The following PRKCB variants were observed in gnomAD, a reference collection of about 807,000 sequenced individuals.
PRKCB encodes protein kinase C beta.
Under a neutral mutation model 81.5 loss-of-function variants are expected in PRKCB, and 13 were observed. That is an observed-to-expected ratio of 0.16 (90% CI 0.10 to 0.25). PRKCB has a LOEUF of 0.25. Among genes scored for constraint, PRKCB ranks in the 10% least tolerant of loss-of-function variants. PRKCB has a pLI of 1.00. For missense variants in PRKCB, 509 were observed against 875.7 expected (o/e 0.58, Z 5.29); for synonymous variants, 335 against 321.4 (o/e 1.04, Z -0.45).
intron 5 of PRKCB, among the ~76,000 whole-genome samples, chr16:24,043,897 T>G (rs1029007062): frequency 1.3e-5 from 2 of 152,164 alleles, no homozygotes; most frequent in Non-Finnish European, 2.9e-5. Flanking sequence ...ATTTTGACTC[T>G]CACGTTTTCC....
chr16:24,122,449 C>CTTTTT lies in PRKCB; in HGVS notation c.919-1371_919-1367dup, dbSNP rs35364143. Among the ~76,000 whole-genome samples the CTTTTT allele has an allele frequency of 1.5e-4, 15 of 97,630 alleles. 1 individual carries two copies. The highest frequency in any genetic ancestry group is 1.6e-4 in the African/African-American group (3 of 18,386). 64.0% of individuals were successfully genotyped at this position (97,630 alleles called of 152,430 possible). A position where few individuals can be genotyped will look rare whatever the true frequency, so the allele number is the denominator to read the frequency against. ...CATGTCAGAGGATTCTACCACGAGGCTTTTTTTTTTTTTTTTTTTAGTGAG... is the reference window on the plus strand; with the variant it reads ...CATGTCAGAGGATTCTACCACGAGGCTTTTTTTTTTTTTTTTTTTTTTTTAGTGAG... On this transcript the variant is annotated intron_variant, in intron 8 of 16. Transcript: ENST00000643927.
intron 8 of PRKCB, among the ~76,000 whole-genome samples, chr16:24,121,701 T>C (rs1194790544): frequency 6.6e-6 from 1 of 152,226 alleles, no homozygotes; most frequent in Non-Finnish European, 1.5e-5. Context: ...AATGAATGAA[T>C]GAATCTTCCC....
intron 5 of PRKCB, among the ~76,000 whole-genome samples, chr16:24,056,059 C>T (rs192236353): frequency 1.4e-4 from 22 of 152,314 alleles, no homozygotes; most frequent in African/African-American, 4.8e-4. Context: ...AACACCCAGC[C>T]CCTTAACCAC....
intron 5 of PRKCB, among the ~76,000 whole-genome samples, chr16:24,079,094 C>G (rs1236119922): frequency 6.6e-6 from 1 of 152,192 alleles, no homozygotes; most frequent in African/African-American, 2.4e-5. Flanking sequence ...GACGTTCCAC[C>G]ATTGTGATTT....
intron 2 of PRKCB, among the ~76,000 whole-genome samples, chr16:23,912,403 A>C (rs556475286): frequency 2.8e-4 from 42 of 151,332 alleles, no homozygotes; most frequent in African/African-American, 9.7e-4. Flanking sequence ...TGTTCTACTG[A>C]ATCTTGGTCA....
At chr16:23,915,276 C>A (rs1963721005) in intron 2 of PRKCB, among the ~76,000 whole-genome samples, 1 of 152,168 alleles carries the variant, frequency 6.6e-6, no homozygotes, top group Non-Finnish European at 1.5e-5. Context: ...TGCTTCTGGC[C>A]ATGGCGATAT....
At chr16:24,122,186 G>A (rs1383322342) in intron 8 of PRKCB, among the ~76,000 whole-genome samples, 1 of 152,126 alleles carries the variant, frequency 6.6e-6, no homozygotes, top group East Asian at 1.9e-4. Context: ...GAGAGTTCTG[G>A]GGAAAGAGTG....
chr16:24,071,733 T>A (rs893473815), intron 5 of PRKCB, among the ~76,000 whole-genome samples: 7 of 151,846 alleles, frequency 4.6e-5, no homozygotes, highest in African/African-American at 1.5e-4. Flanking sequence ...GGAGGCAGGA[T>A]CTTACAGGGA....
At position 23,859,482 on chromosome 16, in the gene PRKCB, T is replaced by C. The variant is rs140508372; in HGVS notation, c.205+22076T>C. ...TCTGTCCTCAAGCAGCCCCTAAACTTGTAGGCCAGACTCATAAATCACACA... is the reference window on the plus strand; with the variant it reads ...TCTGTCCTCAAGCAGCCCCTAAACTCGTAGGCCAGACTCATAAATCACACA... On this transcript the variant is annotated intron_variant, in intron 2 of 16. Coordinates refer to ENST00000643927, the MANE Select transcript of PRKCB (RefSeq NM_002738.7). Among the ~76,000 whole-genome samples the C allele has an allele frequency of 2.5e-3, 374 of 152,212 alleles. 2 individuals are homozygous for C. The highest frequency in any genetic ancestry group is 8.6e-3 in the African/African-American group (359 of 41,534).
chr16:24,219,955 T>C lies in PRKCB; in HGVS notation c.*5139T>C, dbSNP rs1345919319. ...TGTGTTAATGTGTTTACTTTCCATTTGGCAGAGAGACAAGAGAGACACCTC... is the reference window on the plus strand; with the variant it reads ...TGTGTTAATGTGTTTACTTTCCATTCGGCAGAGAGACAAGAGAGACACCTC... On this transcript the variant is annotated 3_prime_UTR_variant, in exon 17 of 17. Transcript: ENST00000643927. The C allele has an allele frequency of 6.2e-7, 1 of 1,613,898 alleles. No homozygotes were observed. Among genetic ancestry groups the C allele is most frequent in the South Asian group, 1.1e-5 (1 of 91,050 alleles).
intron 2 of PRKCB, among the ~76,000 whole-genome samples, chr16:23,948,395 T>C (rs1165995500): frequency 1.3e-5 from 2 of 152,140 alleles, no homozygotes; most frequent in Admixed American, 1.3e-4. Context: ...ATGTGTGTTA[T>C]CTCATTGAAT....
At position 23,915,496 on chromosome 16, in the gene PRKCB, A is replaced by G. The variant is rs765572516; in HGVS notation, c.206-73012A>G. Among the ~76,000 whole-genome samples, 96 of 152,048 alleles carry G rather than the reference A, an allele frequency of 6.3e-4. 2 individuals are homozygous for G. The highest frequency in any genetic ancestry group is 1.2e-3 in the Non-Finnish European group (84 of 67,998). On this transcript the variant is annotated intron_variant, in intron 2 of 16. Transcript: ENST00000643927. The stretch of plus-strand genomic sequence containing the variant: ...GCCCAAGAGGTCTAGACCAGCCCTG[A>G]CAACACAGTGGGACCCCAGTCTCTA...
chr16:23,900,727 T>G (rs1046187351), intron 2 of PRKCB, among the ~76,000 whole-genome samples: 1 of 134,620 alleles, frequency 7.4e-6, no homozygotes, highest in Non-Finnish European at 1.6e-5. Flanking sequence ...GGTTTTTTTT[T>G]TTTTTTTTTT....
intron 3 of PRKCB, among the ~76,000 whole-genome samples, chr16:24,008,568 C>T (rs1965160201): frequency 6.6e-6 from 1 of 152,120 alleles, no homozygotes; most frequent in South Asian, 2.1e-4. Context: ...AAGCAGAGCC[C>T]CAGAAGCCCT....
intron 5 of PRKCB, among the ~76,000 whole-genome samples, chr16:24,049,326 C>G (rs1402182662): frequency 6.7e-6 from 1 of 150,086 alleles, no homozygotes; most frequent in African/African-American, 2.5e-5. Context: ...CCCTTAACCA[C>G]TACCCTGGCA....
At chr16:23,891,000 TGC>T (rs1300977813) in intron 2 of PRKCB, among the ~76,000 whole-genome samples, 1 of 15,498 alleles carries the variant, frequency 6.5e-5, no homozygotes, top group South Asian at 5.5e-3. Context: ...ATATATATAA[TGC>T]GTGTGTGTGT....
chr16:24,162,744 G>A (rs1261600829), intron 10 of PRKCB, among the ~76,000 whole-genome samples: 2 of 152,048 alleles, frequency 1.3e-5, no homozygotes, highest in Non-Finnish European at 2.9e-5. Flanking sequence ...ATGAGCCACC[G>A]CGCCCAGCCT....
chr16:24,057,443 C>T (rs1225822934), intron 5 of PRKCB, among the ~76,000 whole-genome samples: 2 of 152,206 alleles, frequency 1.3e-5, no homozygotes, highest in African/African-American at 4.8e-5. Flanking sequence ...ACAAAAAGAG[C>T]TTTCCTTTCA....
chr16:24,168,295 A>G (rs1020782826), intron 10 of PRKCB, among the ~76,000 whole-genome samples: 49 of 152,258 alleles, frequency 3.2e-4, no homozygotes, highest in African/African-American at 1.1e-3. Flanking sequence ...GACTTCAAAT[A>G]CTGTATTGAC....
Sources: allele counts gnomAD v4.1 joint callset (sites outside exome capture counted in the v4.1 genomes callset), GRCh38; gene constraint gnomAD v4.1.1; transcripts MANE v1.5; gene names NCBI Gene and HGNC (gene_info 2026-07-23, HGNC 2026-07-21).